The following ELMO1 variants were observed in gnomAD, a reference collection of about 807,000 sequenced individuals.
ELMO1 encodes the protein engulfment and cell motility 1, also known as engulfment and cell motility protein 1.
Under a neutral mutation model 98.9 loss-of-function variants are expected in ELMO1, and 26 were observed. The observed-to-expected ratio is 0.26, with a 90% CI of 0.19 to 0.36. The LOEUF (loss-of-function observed/expected upper bound fraction) is 0.36. Among genes scored for constraint, ELMO1 ranks in the 10% least tolerant of loss-of-function variants. ELMO1 has a pLI of 1.00. For synonymous variants in ELMO1, 346 were observed against 346.0 expected, an observed-to-expected ratio of 1.00 and a Z score of 0.00; for missense variants, 627 against 935.2, an observed-to-expected ratio of 0.67 and a Z score of 4.30.
chr7:36,998,241 C>A (rs1358117486), intron 16 of ELMO1, among the ~76,000 whole-genome samples: 16 of 152,166 alleles, frequency 1.1e-4, no homozygotes. Flanking sequence ...AATGTGACTT[C>A]TTTCCAGTCT....
intron 16 of ELMO1, among the ~76,000 whole-genome samples, chr7:36,995,208 T>C (rs1017115797): frequency 6.6e-6 from 1 of 152,170 alleles, no homozygotes; most frequent in African/African-American, 2.4e-5. Context: ...ATAGAAGCCA[T>C]TGTTAAAATC....
chr7:36,883,690 G>A (rs534806684), intron 18 of ELMO1, among the ~76,000 whole-genome samples: 6 of 152,292 alleles, frequency 3.9e-5, no homozygotes, highest in Middle Eastern at 3.4e-3. Flanking sequence ...GGAGTTTCCT[G>A]TGGCCTCCCC....
chr7:37,275,907 C>G (rs898580663), intron 4 of ELMO1, among the ~76,000 whole-genome samples: 4 of 152,226 alleles, frequency 2.6e-5, no homozygotes, highest in African/African-American at 9.6e-5. Flanking sequence ...AGCTTTTTCA[C>G]CATATGCTGA....
intron 16 of ELMO1, among the ~76,000 whole-genome samples, chr7:36,995,071 G>A (rs1201439504): frequency 6.6e-6 from 1 of 152,170 alleles, no homozygotes; most frequent in Non-Finnish European, 1.5e-5. Flanking sequence ...TTAAAAAAAT[G>A]ATTGTAAGAT....
chr7:36,860,921 G>A (rs1051293777), intron 21 of ELMO1, among the ~76,000 whole-genome samples: 7 of 152,160 alleles, frequency 4.6e-5, no homozygotes, highest in African/African-American at 1.7e-4. Context: ...GGGGAAATGG[G>A]GAACAAAAGT....
At chr7:37,118,888 C>T (rs1009086851) in intron 14 of ELMO1, among the ~76,000 whole-genome samples, 1 of 152,168 alleles carries the variant, frequency 6.6e-6, no homozygotes, top group Non-Finnish European at 1.5e-5. Flanking sequence ...ATCTGTAGGA[C>T]TCATTTGAAC....
chr7:37,370,541 G>T (rs1802076492), intron 1 of ELMO1, among the ~76,000 whole-genome samples: 1 of 152,018 alleles, frequency 6.6e-6, no homozygotes, highest in African/African-American at 2.4e-5. Context: ...AATGAACAAA[G>T]ATTTAGTACA....
intron 4 of ELMO1, among the ~76,000 whole-genome samples, chr7:37,310,693 G>C (rs1433374252): frequency 6.6e-6 from 1 of 152,088 alleles, no homozygotes; most frequent in Admixed American, 6.6e-5. Context: ...CCAAAGAAAG[G>C]GCATCATAAA....
rs550384501 is a variant in ELMO1 at position 37,238,156 on chromosome 7, T to C, written c.450-4962A>G. Among the ~76,000 whole-genome samples, 284 of 152,322 alleles carry C rather than the reference T, an allele frequency of 1.9e-3. 1 individual carries two copies. The highest frequency in any genetic ancestry group is 6.7e-3 in the African/African-American group (278 of 41,570). On this transcript the variant is annotated intron_variant, in intron 7 of 21. Coordinates refer to ENST00000310758, the MANE Select transcript of ELMO1 (RefSeq NM_014800.11). ...AAAGGATGTCAGAAGAGAACTGCTA[T>C]CTAATTAAAATTGTGTCCTCCACCA...
chr7:36,889,326 CACTAA>C (rs1805344384), intron 17 of ELMO1, among the ~76,000 whole-genome samples: 1 of 152,174 alleles, frequency 6.6e-6, no homozygotes, highest in African/African-American at 2.4e-5. Flanking sequence ...GCTTTCAGAT[CACTAA>C]ACTATTTATT....
chr7:36,866,889 C>CG, intron 20 of ELMO1, among the ~76,000 whole-genome samples: 1 of 152,204 alleles, frequency 6.6e-6, no homozygotes, highest in South Asian at 2.1e-4. Context: ...CTCTGGAGTA[C>CG]GGGGAAAGGG....
At chr7:36,933,113 A>C (rs1348879842) in intron 16 of ELMO1, among the ~76,000 whole-genome samples, 1 of 152,174 alleles carries the variant, frequency 6.6e-6, no homozygotes, top group Non-Finnish European at 1.5e-5. Flanking sequence ...ACTTCTGCTC[A>C]AAGCAGCTCA....
chr7:36,956,821 G>A (rs1434339847), intron 16 of ELMO1, among the ~76,000 whole-genome samples: 1 of 152,224 alleles, frequency 6.6e-6, no homozygotes, highest in Non-Finnish European at 1.5e-5. Context: ...GTAGCCTACA[G>A]GTTTGATTAC....
intron 21 of ELMO1, among the ~76,000 whole-genome samples, chr7:36,858,653 G>A (rs1420651328): frequency 6.7e-6 from 1 of 149,730 alleles, no homozygotes; most frequent in African/African-American, 2.4e-5. Context: ...AGTGAGAGAA[G>A]GAAACAGAAG....
intron 1 of ELMO1, among the ~76,000 whole-genome samples, chr7:37,404,828 A>G (rs1803684995): frequency 6.6e-6 from 1 of 152,234 alleles, no homozygotes; most frequent in Admixed American, 6.5e-5. Context: ...GCAACTGGGT[A>G]ATCGTTACTT....
intron 4 of ELMO1, among the ~76,000 whole-genome samples, chr7:37,278,226 C>A (rs1326216177): frequency 5.0e-5 from 7 of 139,038 alleles, no homozygotes; most frequent in Non-Finnish European, 1.5e-5. Context: ...GAATACTAAT[C>A]TAGATGTTGC....
At chr7:36,994,311 T>C (rs1391420583) in intron 16 of ELMO1, among the ~76,000 whole-genome samples, 1 of 152,234 alleles carries the variant, frequency 6.6e-6, no homozygotes, top group African/African-American at 2.4e-5. Flanking sequence ...AATTTTTCCT[T>C]TGCATTCTTT....
chr7:36,911,311 TG>T (rs2129066432), intron 16 of ELMO1, among the ~76,000 whole-genome samples: 1 of 152,146 alleles, frequency 6.6e-6, no homozygotes, highest in South Asian at 2.1e-4. Context: ...AAGAAGTGGA[TG>T]CCAAACCAAC....
At chr7:37,130,253 A>G (rs1786819043) in intron 14 of ELMO1, among the ~76,000 whole-genome samples, 4 of 152,190 alleles carry the variant, frequency 2.6e-5, no homozygotes, top group African/African-American at 9.6e-5. Context: ...GAACTCCTCA[A>G]TGTCAGGACC....
Sources: gnomAD v4.1 joint callset for allele counts (sites outside exome capture counted in the v4.1 genomes callset) on GRCh38, gnomAD v4.1.1 for gene constraint, MANE v1.5 for transcripts, NCBI Gene and HGNC (gene_info 2026-07-23, HGNC 2026-07-21) for gene names.